The following PHACTR3 variants were observed in gnomAD, a reference collection of about 807,000 sequenced individuals.
PHACTR3 encodes phosphatase and actin regulator 3, also known as protein phosphatase 1, regulatory subunit 123.
In PHACTR3, 16 loss-of-function variants were observed where a neutral mutation model predicts 66.8. The ratio of observed to expected loss-of-function variants is 0.24; its 90% CI spans 0.16 to 0.36. The LOEUF (loss-of-function observed/expected upper bound fraction) is 0.36. Among genes scored for constraint, PHACTR3 ranks in the 10% least tolerant of loss-of-function variants. The probability of loss-of-function intolerance (pLI) is 1.00; values close to 1 mark genes in which losing one functional copy is unlikely to be tolerated. For missense variants in PHACTR3, 647 were observed against 719.9 expected, an observed-to-expected ratio of 0.90 and a Z score of 1.16; for synonymous variants, 323 against 292.1, an observed-to-expected ratio of 1.11 and a Z score of -1.08.
chr20:59,596,983 G>A (rs542804349), intron 1 of PHACTR3, among the ~76,000 whole-genome samples: 9 of 152,346 alleles, frequency 5.9e-5, no homozygotes, highest in East Asian at 3.9e-4. Flanking sequence ...AAGCCATCCC[G>A]TGCCTGACAG....
intron 1 of PHACTR3, chr20:59,628,397 A>G (rs2034537079): frequency 6.5e-6 from 1 of 154,298 alleles, no homozygotes; most frequent in African/African-American, 2.4e-5. Flanking sequence ...CAGGCCAGGG[A>G]TGCTGTGCAA....
chr20:59,623,753 C>A (rs2034349365), intron 1 of PHACTR3, among the ~76,000 whole-genome samples: 1 of 152,152 alleles, frequency 6.6e-6, no homozygotes, highest in Non-Finnish European at 1.5e-5. Context: ...GGGAGGGGCA[C>A]CGTGTGAGCA....
intron 8 of PHACTR3, among the ~76,000 whole-genome samples, chr20:59,822,799 G>T (rs1168472300): frequency 6.6e-6 from 1 of 152,216 alleles, no homozygotes; most frequent in Non-Finnish European, 1.5e-5. Context: ...TGGGGGATGG[G>T]AGTCACAGGA....
At chr20:59,605,745 C>T (rs2033640290) in intron 1 of PHACTR3, among the ~76,000 whole-genome samples, 2 of 152,164 alleles carry the variant, frequency 1.3e-5, no homozygotes, top group African/African-American at 4.8e-5. Context: ...CACTCTTCCA[C>T]CCCCATGGCA....
intron 1 of PHACTR3, among the ~76,000 whole-genome samples, chr20:59,595,447 A>G (rs2033300273): frequency 6.6e-6 from 1 of 152,168 alleles, no homozygotes; most frequent in African/African-American, 2.4e-5. Flanking sequence ...CTCAAAATAA[A>G]AACAAAAATA....
intron 1 of PHACTR3, among the ~76,000 whole-genome samples, chr20:59,682,409 G>A (rs1008199107): frequency 2.6e-5 from 4 of 152,198 alleles, no homozygotes; most frequent in Non-Finnish European, 4.4e-5. Context: ...AAAGTCTGCG[G>A]GGTCCCTAGA....
At chr20:59,840,572 C>T in intron 10 of PHACTR3, 142 bp downstream of exon 10, 1 of 1,325,344 alleles carries the variant, frequency 7.5e-7, no homozygotes. Flanking sequence ...TCAGTTAAAT[C>T]AGGATATTTG....
chr20:59,582,740 T>C (rs1400449452), intron 1 of PHACTR3, among the ~76,000 whole-genome samples: 1 of 152,178 alleles, frequency 6.6e-6, no homozygotes, highest in African/African-American at 2.4e-5. Flanking sequence ...ATTTACTTTT[T>C]GCCCTCTTTT....
intron 1 of PHACTR3, among the ~76,000 whole-genome samples, chr20:59,690,312 G>T (rs769496010): frequency 3.3e-5 from 5 of 152,134 alleles, no homozygotes; most frequent in Non-Finnish European, 7.4e-5. Flanking sequence ...CATCACTTCT[G>T]CAGGAAGGCC....
intron 1 of PHACTR3, among the ~76,000 whole-genome samples, chr20:59,728,812 C>T (rs1337611882): frequency 6.8e-6 from 1 of 147,112 alleles, no homozygotes; most frequent in Non-Finnish European, 1.5e-5. Context: ...GAGGGACCGA[C>T]AACACCAAGT....
intron 1 of PHACTR3, among the ~76,000 whole-genome samples, chr20:59,637,989 G>T (rs1353484131): frequency 1.3e-5 from 2 of 152,274 alleles, no homozygotes; most frequent in South Asian, 2.1e-4. Context: ...CTAAAGCTCA[G>T]GGAAGTATGG....
At chr20:59,795,477 T>C (rs1446884844) in intron 7 of PHACTR3, among the ~76,000 whole-genome samples, 1 of 151,888 alleles carries the variant, frequency 6.6e-6, no homozygotes, top group African/African-American at 2.4e-5. Context: ...TAGAATGTTC[T>C]GTAAATGTAC....
chr20:59,839,086 G>A (rs1369413476), intron 9 of PHACTR3, among the ~76,000 whole-genome samples: 3 of 151,438 alleles, frequency 2.0e-5, no homozygotes, highest in Non-Finnish European at 4.4e-5. Flanking sequence ...TCACATGGAA[G>A]CTGCACTTGG....
At chr20:59,731,660 A>G (rs1601212217) in intron 1 of PHACTR3, among the ~76,000 whole-genome samples, 1 of 152,284 alleles carries the variant, frequency 6.6e-6, no homozygotes, top group East Asian at 1.9e-4. Context: ...TTTCCACAAT[A>G]CATATGAGAA....
chr20:59,681,363 CCA>C (rs200355281), intron 1 of PHACTR3, among the ~76,000 whole-genome samples: 4,280 of 151,100 alleles, frequency 0.028, 81 homozygotes, highest in Middle Eastern at 0.065. Flanking sequence ...GTTCATTGTA[CCA>C]TTTTTTTTTT....
At chr20:59,757,255 C>T (rs916919102) in intron 4 of PHACTR3, among the ~76,000 whole-genome samples, 2 of 152,224 alleles carry the variant, frequency 1.3e-5, no homozygotes, top group Non-Finnish European at 2.9e-5. Flanking sequence ...TTCTGTAGCT[C>T]AGCTCAGGGC....
intron 12 of PHACTR3, among the ~76,000 whole-genome samples, chr20:59,846,752 C>T (rs2059157308): frequency 6.6e-6 from 1 of 152,074 alleles, no homozygotes; most frequent in African/African-American, 2.4e-5. Context: ...TTACTATGAA[C>T]ATATTACTCT....
intron 8 of PHACTR3, among the ~76,000 whole-genome samples, chr20:59,821,800 G>A (rs1410401773): frequency 1.3e-5 from 2 of 152,064 alleles, no homozygotes; most frequent in African/African-American, 4.8e-5. Flanking sequence ...TATGGGCTTG[G>A]AGAGCACCGC....
chr20:59,823,141 A>G (rs1391356848), intron 8 of PHACTR3, among the ~76,000 whole-genome samples: 1 of 152,126 alleles, frequency 6.6e-6, no homozygotes, highest in Admixed American at 6.5e-5. Context: ...TATTCTTTCC[A>G]TTTTCAAAAT....
Sources: gnomAD v4.1 joint callset for allele counts (sites outside exome capture counted in the v4.1 genomes callset) on GRCh38, gnomAD v4.1.1 for gene constraint, MANE v1.5 for transcripts, NCBI Gene and HGNC (gene_info 2026-07-23, HGNC 2026-07-21) for gene names.